The following GARS1 variants were observed in gnomAD, a reference collection of about 807,000 sequenced individuals.
The protein encoded by GARS1 is glycine--tRNA ligase.
GARS1 carries 46 observed loss-of-function variants against 86.4 expected under a neutral mutation model. The ratio of observed to expected loss-of-function variants is 0.53; its 90% confidence interval spans 0.42 to 0.68. GARS1 has a LOEUF of 0.68. Among genes scored for constraint, GARS1 ranks in the 30% least tolerant of loss-of-function variants. The pLI is 0.00. For missense variants in GARS1, 797 were observed against 915.6 expected (o/e 0.87, Z 1.67); for synonymous variants, 342 against 329.8 (o/e 1.04, Z -0.40).
At chr7:30,594,862 C>A, upstream of GARS1, 1 of 1,403,530 alleles carries the variant, frequency 7.1e-7, no homozygotes, top group South Asian at 1.2e-5. Context: ...ATGCTCCGAG[C>A]CGGGCGGCGC....
At chr7:30,619,785 T>C (rs1179150485) in intron 10 of GARS1, among the ~76,000 whole-genome samples, 1 of 147,014 alleles carries the variant, frequency 6.8e-6, no homozygotes, top group African/African-American at 2.5e-5. Flanking sequence ...TCTTTTTTTT[T>C]TTTTTTTTTT....
At chr7:30,622,048 T>A (rs2128135157) in intron 11 of GARS1, 1 of 473,826 alleles carries the variant, frequency 2.1e-6, no homozygotes, top group East Asian at 4.2e-5. Flanking sequence ...GTTCTTATGC[T>A]ATGGGTTGGG....
chr7:30,625,458 G>A (rs1488562670), intron 12 of GARS1, among the ~76,000 whole-genome samples: 1 of 152,186 alleles, frequency 6.6e-6, no homozygotes, highest in African/African-American at 2.4e-5. Flanking sequence ...TATAACATAT[G>A]CCAACTATCC....
chr7:30,600,056 G>C lies in GARS1; in HGVS notation c.427+7G>C. On this transcript the variant is annotated splice_region_variant and intron_variant, in intron 3 of 16. Transcript: ENST00000389266. ...GCTTTTGCTATTTATGGAGGTAAGG[G>C]ATTAATGACAAAAAGAACTATTGTG... 6.3e-7 allele frequency: 1 copy of C among 1,580,408 alleles called. No homozygotes were observed. Among genetic ancestry groups the C allele is most frequent in the Non-Finnish European group, 8.7e-7 (1 of 1,149,288 alleles).
chr7:30,619,992 G>A (rs1240482338), intron 10 of GARS1, among the ~76,000 whole-genome samples: 1 of 151,864 alleles, frequency 6.6e-6, no homozygotes, highest in Non-Finnish European at 1.5e-5. Flanking sequence ...AGCCAGGCTG[G>A]TCTTGAACTT....
chr7:30,613,604 A>G (rs1782823035), intron 8 of GARS1, among the ~76,000 whole-genome samples: 1 of 152,224 alleles, frequency 6.6e-6, no homozygotes, highest in Non-Finnish European at 1.5e-5. Flanking sequence ...AGTGGTGAGT[A>G]GGGAAACCAG....
intron 13 of GARS1, chr7:30,627,169 G>C: frequency 2.4e-6 from 1 of 422,274 alleles, no homozygotes; most frequent in South Asian, 1.8e-5. Flanking sequence ...GGGTGTTTGA[G>C]AAGCTACTGC....
At chr7:30,614,740 G>A (rs1367388983) in intron 8 of GARS1, among the ~76,000 whole-genome samples, 1 of 151,986 alleles carries the variant, frequency 6.6e-6, no homozygotes, top group African/African-American at 2.4e-5. Context: ...GCCGGGCGTG[G>A]TGGCGGGCGC....
chr7:30,602,885 A>G lies in GARS1; in HGVS notation c.570-149A>G, dbSNP rs1292136950. The G allele has an allele frequency of 1.0e-5, 7 of 687,216 alleles. No individual in the cohort carries two copies. The Admixed American group carries it at 1.1e-4, about 11-fold the overall frequency. The allele number at this position is 687,216 out of a possible 1,614,324, so 42.6% of individuals were successfully genotyped here. A position where few individuals can be genotyped will look rare whatever the true frequency, so the allele number is the denominator to read the frequency against. The stretch of plus-strand genomic sequence containing the variant: ...TGAGGAAGAATTTTCTCTGGCATCC[A>G]TTACTGTCATGGATACATCATTACT... On this transcript the variant is annotated intron_variant, in intron 4 of 16. Coordinates refer to ENST00000389266, the MANE Select transcript of GARS1 (RefSeq NM_002047.4).
chr7:30,618,290 G>T (rs1288809428), intron 10 of GARS1, among the ~76,000 whole-genome samples: 1 of 152,056 alleles, frequency 6.6e-6, no homozygotes, highest in Non-Finnish European at 1.5e-5. Context: ...ATGAGTCTCT[G>T]TCACATAACT....
intron 6 of GARS1, among the ~76,000 whole-genome samples, chr7:30,605,333 C>T (rs3807632): frequency 0.48 from 73,510 of 152,190 alleles, 21,472 homozygotes; most frequent in Non-Finnish European, 0.65. Context: ...GTTTTTGTGG[C>T]CCATCTCTGG....
chr7:30,626,702 G>C (rs1198160547), intron 13 of GARS1, among the ~76,000 whole-genome samples: 2 of 152,230 alleles, frequency 1.3e-5, no homozygotes, highest in Non-Finnish European at 2.9e-5. Flanking sequence ...TCATTTAGGG[G>C]CCGGGCGTGG....
intron 12 of GARS1, among the ~76,000 whole-genome samples, 192 bp from the exon 13 acceptor site, chr7:30,626,042 G>A (rs576401041): frequency 2.6e-5 from 4 of 152,124 alleles, no homozygotes; most frequent in Non-Finnish European, 4.4e-5. Flanking sequence ...GTACTTTTTG[G>A]TGCCATTGTT....
intron 11 of GARS1, chr7:30,622,066 T>G: frequency 2.0e-6 from 1 of 507,942 alleles, no homozygotes; most frequent in Non-Finnish European, 3.6e-6. Context: ...GGGTCATTGC[T>G]GATTAGATAA....
intron 4 of GARS1, among the ~76,000 whole-genome samples, chr7:30,601,674 A>G (rs560292434): frequency 5.3e-5 from 8 of 152,370 alleles, no homozygotes; most frequent in Non-Finnish European, 1.2e-4. Flanking sequence ...AGTTCTGAGC[A>G]AAGGTATACT....
intron 15 of GARS1, 109 bp downstream of exon 15, chr7:30,631,650 A>G (rs1220265471): frequency 1.3e-6 from 1 of 777,504 alleles, no homozygotes; most frequent in East Asian, 2.8e-5. Context: ...AAAGAATATA[A>G]ATGATTTTAT....
Position 30,622,394 on chromosome 7 carries a change from G to C in GARS1, c.1545G>C (p.Val515=). The change falls in exon 12 of 17, where the codon GTG becomes GTC. Residue 515 remains valine, a synonymous_variant. Coordinates refer to ENST00000389266, the MANE Select transcript of GARS1 (RefSeq NM_002047.4). ...CATATAAGAAGGATGCAAAACTGGT[G>C]ATGGAGTATCTTGCCATTTGTGATG... ...GKAYKKDAKL[V]MEYLAICDEC... 6.2e-7 allele frequency: 1 copy of C among 1,614,124 alleles called. No individual in the cohort carries two copies. The highest frequency in any genetic ancestry group is 8.5e-7 in the Non-Finnish European group (1 of 1,179,990).
At chr7:30,606,015 A>G (rs1466386105) in intron 6 of GARS1, among the ~76,000 whole-genome samples, 10 of 151,940 alleles carry the variant, frequency 6.6e-5, no homozygotes, top group Admixed American at 6.6e-4. Flanking sequence ...TTTCATTAAA[A>G]TTTTTTTCAA....
At chr7:30,622,609 T>C in intron 12 of GARS1, 147 bp downstream of exon 12, 2 of 956,184 alleles carry the variant, frequency 2.1e-6, no homozygotes, top group Non-Finnish European at 3.3e-6. Context: ...TTGCCGAGAT[T>C]TTGGCATTAT....
Sources: allele counts gnomAD v4.1 joint callset (sites outside exome capture counted in the v4.1 genomes callset), GRCh38; gene constraint gnomAD v4.1.1; transcripts MANE v1.5; gene names NCBI Gene and HGNC (gene_info 2026-07-23, HGNC 2026-07-21).